The following USP40 variants were observed in gnomAD, a reference collection of about 807,000 sequenced individuals.
USP40 encodes ubiquitin carboxyl-terminal hydrolase 40.
USP40 carries 143 observed loss-of-function variants against 166.2 expected under a neutral mutation model. That is an observed-to-expected ratio of 0.86 (90% CI 0.75 to 0.99). The LOEUF is 0.99. Among genes scored for constraint, USP40 ranks in the 50% least tolerant of loss-of-function variants. The pLI is 0.00. For synonymous variants in USP40, 498 were observed against 524.0 expected, an observed-to-expected ratio of 0.95 and a Z score of 0.68; for missense variants, 1,444 against 1,479.7, an observed-to-expected ratio of 0.98 and a Z score of 0.40.
intron 17 of USP40, among the ~76,000 whole-genome samples, chr2:233,520,682 A>G (rs1286676069): frequency 1.3e-5 from 2 of 152,200 alleles, no homozygotes; most frequent in Non-Finnish European, 2.9e-5. Context: ...CCTTGAAAAC[A>G]GCATTTTCAA....
At chr2:233,540,611 A>C (rs370576744) in intron 10 of USP40, 51 bp downstream of exon 10, 55 of 1,142,954 alleles carry the variant, frequency 4.8e-5, no homozygotes, top group Non-Finnish European at 6.2e-5. Context: ...TGTTGCGATC[A>C]TAATGAAATT....
At chr2:233,488,362 T>G in intron 27 of USP40, 58 bp from the exon 28 acceptor site, 1 of 1,420,506 alleles carries the variant, frequency 7.0e-7, no homozygotes, top group Non-Finnish European at 9.5e-7. Context: ...TTTCTTGAAT[T>G]TTTTTTCCCC....
intron 31 of USP40, among the ~76,000 whole-genome samples, chr2:233,479,340 T>G (rs879335552): frequency 3.3e-5 from 5 of 152,252 alleles, no homozygotes; most frequent in East Asian, 1.9e-4. Context: ...CAAGGCGGGC[T>G]GATCACAAGG....
chr2:233,522,945 T>C (rs1018016752), intron 16 of USP40, among the ~76,000 whole-genome samples: 1 of 152,366 alleles, frequency 6.6e-6, no homozygotes, highest in African/African-American at 2.4e-5. Context: ...GGGATACTTA[T>C]ATTATTTTCT....
At position 233,485,832 on chromosome 2, in the gene USP40, C is replaced by T. The variant is rs559621031; in HGVS notation, c.3343G>A (p.Val1115Met). ...TATTTGGCAATTTCAATCTTCTCCA[C>T]GGGAAGACGATAGAAATCGGCAACT... Reference protein sequence around the residue: ...QRVADFYRLPVEKIEIAKYFP... With the variant: ...QRVADFYRLPMEKIEIAKYFP... The change falls in exon 29 of 32, where the codon GTG (valine) becomes ATG (methionine). Residue 1115 changes from valine to methionine, a missense_variant. Transcript: ENST00000678225. 106 of 1,611,686 alleles carry T rather than the reference C, an allele frequency of 6.6e-5. No homozygotes were observed. The South Asian group carries it at 7.4e-4, about 11-fold the overall frequency.
At chr2:233,490,245 C>A (rs896113525) in intron 26 of USP40, among the ~76,000 whole-genome samples, 1 of 145,500 alleles carries the variant, frequency 6.9e-6, no homozygotes, top group African/African-American at 2.5e-5. Context: ...CTCATTGCAA[C>A]CTCCCTGTCC....
Position 233,523,333 on chromosome 2 carries a change from C to T in USP40, c.2038G>A (p.Ala680Thr), listed in dbSNP as rs775461444. The part of the protein sequence containing the change: ...ANAEVGTVLT[A>T]LAIPAGVIFI... ...ATGACACCTGCTGGGATTGCTAAGG[C>T]TGTGAGGACAGTGCCCACTTCTGCA... The change falls in exon 16 of 32, where the codon GCC becomes ACC. Residue 680 changes from alanine (A) to threonine (T), a missense_variant. Ala to Thr is a moderately conservative substitution (Grantham distance 58, BLOSUM62 0). Transcript: ENST00000678225. 6 of 1,614,056 alleles carry T rather than the reference C, an allele frequency of 3.7e-6. No homozygotes were observed. Among genetic ancestry groups the T allele is most frequent in the Non-Finnish European group, 5.1e-6 (6 of 1,179,888 alleles).
chr2:233,487,588 A>G (rs1030126890), intron 28 of USP40: 1 of 162,220 alleles, frequency 6.2e-6, no homozygotes, highest in African/African-American at 2.4e-5. Context: ...AAGGATACTC[A>G]TATCATAATA....
At chr2:233,501,233 A>G (rs910179930) in intron 21 of USP40, among the ~76,000 whole-genome samples, 3 of 152,216 alleles carry the variant, frequency 2.0e-5, no homozygotes, top group Non-Finnish European at 4.4e-5. Context: ...AGAGCATAAA[A>G]GCCTTATTTC....
rs1427909392 is a variant in USP40, at chr2:233,523,466, A to G, written c.1905T>C (p.Thr635=). ...AAAGTAGAGGTTCGCAGTCAATACC[A>G]GTTTGAATGTGGACTCCACCAACCT... ...GVEVGGVHIQ[T]GIDCEPLLLN... The change falls in exon 16 of 32, where the codon ACT becomes ACC. Residue 635 remains threonine, a synonymous_variant. Transcript: ENST00000678225. The G allele has an allele frequency of 6.2e-7, 1 of 1,613,652 alleles. No individual in the cohort carries two copies. Among genetic ancestry groups the G allele is most frequent in the Admixed American group, 1.7e-5 (1 of 60,002 alleles).
chr2:233,534,540 A>G (rs915267946), intron 10 of USP40, among the ~76,000 whole-genome samples: 2 of 152,174 alleles, frequency 1.3e-5, no homozygotes. Context: ...GTGATTTGCT[A>G]ATTTTTCTCT....
Position 233,485,851 on chromosome 2 carries a change from G to C in USP40, c.3324C>G (p.Ala1108=). 6.2e-7 allele frequency: 1 copy of C among 1,610,352 alleles called. No individual in the cohort carries two copies. Among genetic ancestry groups the C allele is most frequent in the Non-Finnish European group, 8.5e-7 (1 of 1,178,640 alleles). ...GTAGSLRQRV[A]DFYRLPVEKI... The stretch of plus-strand genomic sequence containing the variant: ...TCTCCACGGGAAGACGATAGAAATC[G>C]GCAACTCTCTGCCTCAGGGAGCCGG... Residue 1108 remains alanine (A), a synonymous_variant, in exon 29 of 32, where the codon GCC becomes GCG. Transcript: ENST00000678225.
In USP40 at chr2:233,485,860, C is replaced by T. The variant is rs774903663; in HGVS notation, c.3315G>A (p.Gln1105=). Residue 1105 remains glutamine, a synonymous_variant, in exon 29 of 32, where the codon CAG becomes CAA. Transcript: ENST00000678225. The stretch of plus-strand genomic sequence containing the variant: ...GAAGACGATAGAAATCGGCAACTCT[C>T]TGCCTCAGGGAGCCGGCAGTCCCAC... ...AQGGTAGSLR[Q]RVADFYRLPV... is the part of the protein sequence containing the mutation. 1.2e-6 allele frequency: 2 copies of T among 1,609,926 alleles called. No individual in the cohort carries two copies. Among genetic ancestry groups the T allele is most frequent in the Admixed American group, 1.7e-5 (1 of 59,454 alleles).
intron 16 of USP40, among the ~76,000 whole-genome samples, chr2:233,521,443 C>A (rs1437427508): frequency 6.6e-6 from 1 of 152,166 alleles, no homozygotes; most frequent in Non-Finnish European, 1.5e-5. Context: ...AGGAGCCTAC[C>A]CCACTGGATC....
rs781098535 is a variant in USP40 at position 233,549,202 on chromosome 2, A to AT, written c.864dup (p.Tyr289IlefsTer2). On this transcript the variant is annotated frameshift_variant, in exon 8 of 32. Transcript: ENST00000678225. LOFTEE classifies it high-confidence loss of function. ...TGTATAATAACTGAGAAGAGGTCAT[A>AT]TATATATTCTAAGTCATCCAATTCA... 6.7e-7 allele frequency: 1 copy of AT among 1,500,504 alleles called. No individual in the cohort carries two copies. Among genetic ancestry groups the AT allele is most frequent in the Non-Finnish European group, 9.2e-7 (1 of 1,090,326 alleles). 92.9% of individuals were successfully genotyped at this position (1,500,504 alleles called of 1,614,324 possible).
chr2:233,503,884 C>T (rs80304960), intron 21 of USP40, among the ~76,000 whole-genome samples: 1,944 of 152,138 alleles, frequency 0.013, 38 homozygotes, highest in East Asian at 0.084. Context: ...ACCCCAGTGT[C>T]GCAATGGTGC....
rs58553955 is a variant in USP40, at chr2:233,476,954, A to G, written c.*438T>C. 9,952 of 295,798 alleles carry G rather than the reference A, an allele frequency of 0.034. 666 individuals carry two copies. Among genetic ancestry groups the G allele is most frequent in the African/African-American group, 0.16 (7,407 of 45,108 alleles). 18.3% of individuals were successfully genotyped at this position (295,798 alleles called of 1,614,324 possible). ...GCGCGGTGGCGCAGTGGCCTGAGAC[A>G]CTGTGAGAAGCCGGTCAGGGCGAAC... On this transcript the variant is annotated 3_prime_UTR_variant, in exon 32 of 32. Coordinates refer to ENST00000678225, the MANE Select transcript of USP40 (RefSeq NM_001365479.2).
chr2:233,556,790 A>T (rs2071137784), intron 5 of USP40, 65 bp downstream of exon 5: 1 of 1,443,470 alleles, frequency 6.9e-7, no homozygotes, highest in Non-Finnish European at 9.3e-7. Context: ...TATATATCAT[A>T]CATTTAATTA....
chr2:233,527,331 T>C (rs1422090082), intron 13 of USP40, 76 bp downstream of exon 13: 13 of 1,508,140 alleles, frequency 8.6e-6, no homozygotes, highest in East Asian at 2.3e-5. Context: ...AGTTGTATCC[T>C]AAACAGAATG....
Sources: allele counts gnomAD v4.1 joint callset (sites outside exome capture counted in the v4.1 genomes callset), GRCh38; gene constraint gnomAD v4.1.1; transcripts MANE v1.5; gene names NCBI Gene and HGNC (gene_info 2026-07-23, HGNC 2026-07-21).